The following MAP3K12 variants were observed in gnomAD, a reference collection of about 807,000 sequenced individuals.
The protein encoded by MAP3K12 is mitogen-activated protein kinase kinase kinase 12.
Under a neutral mutation model 87.5 loss-of-function variants are expected in MAP3K12, and 14 were observed. The observed-to-expected ratio is 0.16, with a 90% CI of 0.11 to 0.25. The LOEUF (loss-of-function observed/expected upper bound fraction) is 0.25, where lower values mean the gene tolerates loss of function less well. Among genes scored for constraint, MAP3K12 ranks in the 10% least tolerant of loss-of-function variants. The probability of loss-of-function intolerance (pLI) is 1.00; values close to 1 mark genes in which losing one functional copy is unlikely to be tolerated. For synonymous variants in MAP3K12, 469 were observed against 452.5 expected (o/e 1.04, Z -0.46); for missense variants, 802 against 1,140.4 (o/e 0.70, Z 4.27).
rs370800946 is a variant in MAP3K12 at position 53,482,115 on chromosome 12, G to C, written c.2406C>G (p.Pro802=). 3 of 1,614,040 alleles carry C rather than the reference G, an allele frequency of 1.9e-6. No homozygotes were observed. The highest frequency in any genetic ancestry group is 2.5e-6 in the Non-Finnish European group (3 of 1,180,044). ...GEEGTASEPS[P]SGTPEVGSTN... is the part of the protein sequence containing the mutation. The stretch of plus-strand genomic sequence containing the variant: ...TGCTGCCAACTTCAGGTGTGCCACT[G>C]GGGGAAGGTTCACTAGCTGTGCCTT... The change falls in exon 13 of 14, where the codon CCC becomes CCG. Residue 802 remains proline (P), a synonymous_variant. Transcript: ENST00000547488.
In MAP3K12 at chr12:53,485,301, T is replaced by C. The variant is rs536607452; in HGVS notation, c.980+16A>G. ...GCTGGCCACCCACTCTTCTCAGTTT[T>C]CAGCCTAGTTCTCACCAGATGTCGA... On this transcript the variant is annotated intron_variant, in intron 5 of 13. Coordinates refer to ENST00000547488, the MANE Select transcript of MAP3K12 (RefSeq NM_001193511.2). 12 of 1,609,988 alleles carry C rather than the reference T, an allele frequency of 7.5e-6. No homozygotes were observed. Among genetic ancestry groups the C allele is most frequent in the Admixed American group, 1.7e-5 (1 of 59,750 alleles).
intron 1 of MAP3K12, among the ~76,000 whole-genome samples, chr12:53,495,592 G>C (rs1943533535): frequency 7.0e-6 from 1 of 142,638 alleles, no homozygotes; most frequent in Admixed American, 7.2e-5. Context: ...GTCTCATTCT[G>C]TTGCCCAGGC....
Position 53,483,671 on chromosome 12 carries a change from T to G in MAP3K12, c.1411A>C (p.Asn471His), listed in dbSNP as rs1249420631. Residue 471 changes from asparagine (N) to histidine (H), a missense_variant, in exon 9 of 14, where the codon AAC becomes CAC. Transcript: ENST00000547488. ...HYERKLERAN[N>H]LYMELNALML... ...AGGGCATTAAGTTCCATATACAGGT[T>G]GTTGGCTCTCTCCAGCTTCCTTTCA... The G allele has an allele frequency of 3.1e-6, 5 of 1,614,020 alleles. No homozygotes were observed. Among genetic ancestry groups the G allele is most frequent in the Middle Eastern group, 1.7e-4 (1 of 6,058 alleles).
Position 53,486,748 on chromosome 12 carries a change from G to C in MAP3K12, c.446-126C>G. ...AGGCAGAAAGCCAAAAATAGGCCAA[G>C]AAGAAGGTTCGAGGGGACAGGGAAG... On this transcript the variant is annotated intron_variant, in intron 2 of 13. Transcript: ENST00000547488. The surrounding 1 kb of genome is among the most constrained non-coding windows in gnomAD (Gnocchi z 4.9). The C allele has an allele frequency of 1.4e-6, 2 of 1,454,312 alleles. No homozygotes were observed. Among genetic ancestry groups the C allele is most frequent in the Non-Finnish European group, 1.8e-6 (2 of 1,108,890 alleles). 90.1% of individuals were successfully genotyped at this position (1,454,312 alleles called of 1,614,324 possible). A position where few individuals can be genotyped will look rare whatever the true frequency, so the allele number is the denominator to read the frequency against.
At chr12:53,501,399 G>C (rs1002751169), upstream of MAP3K12, 8 of 1,561,468 alleles carry the variant, frequency 5.1e-6, no homozygotes, top group Admixed American at 7.7e-5. Flanking sequence ...CCGCGGGGAC[G>C]GAGGAGGGAA....
At chr12:53,484,210 C>T in intron 7 of MAP3K12, 47 bp downstream of exon 7, 1 of 1,537,998 alleles carries the variant, frequency 6.5e-7, no homozygotes, top group Non-Finnish European at 9.0e-7. Context: ...AGCATCATCT[C>T]TGCAAAGAAG....
chr12:53,484,512 G>A (rs1943170459), intron 6 of MAP3K12, 147 bp from the exon 7 acceptor site: 2 of 636,356 alleles, frequency 3.1e-6, no homozygotes, highest in Non-Finnish European at 5.6e-6. Flanking sequence ...ACTGTCTCTA[G>A]AGAATATTAC....
At chr12:53,496,645 A>G (rs1203942296) in intron 1 of MAP3K12, among the ~76,000 whole-genome samples, 2 of 152,222 alleles carry the variant, frequency 1.3e-5, no homozygotes, top group Non-Finnish European at 2.9e-5. Flanking sequence ...GTATAACAAC[A>G]GTTTCTAGGT....
chr12:53,485,236 T>G (rs149657580), intron 5 of MAP3K12, 22 bp from the exon 6 acceptor site: 1 of 1,603,788 alleles, frequency 6.2e-7, no homozygotes, highest in Non-Finnish European at 8.5e-7. Context: ...GGGACATCAC[T>G]TGTGCTCAAG....
Position 53,482,987 on chromosome 12 carries a change from C to T in MAP3K12, c.1816G>A (p.Gly606Arg), listed in dbSNP as rs750213682. Residue 606 changes from glycine (G) to arginine (R), a missense_variant, in exon 11 of 14, where the codon GGA becomes AGA. By Grantham distance (125) the Gly-to-Arg change is moderately radical. Around this residue, in one of 5 missense-constraint regions of MAP3K12, gnomAD observed 490 missense variants for 496.6 expected, o/e 0.99. Coordinates refer to ENST00000547488, the MANE Select transcript of MAP3K12 (RefSeq NM_001193511.2). ...CCTAGGCCCCCTGGGCTTCCTGGTC[C>T]TCCAGGTTCATGGGGTGGCACAGCT... ...RTAVPPHEPG[G>R]PGSPGGLGGG... is the part of the protein sequence containing the mutation. The T allele has an allele frequency of 1.9e-6, 3 of 1,576,528 alleles. No individual in the cohort carries two copies. Among genetic ancestry groups the T allele is most frequent in the African/African-American group, 1.4e-5 (1 of 73,752 alleles).
intron 13 of MAP3K12, 198 bp from the exon 14 acceptor site, chr12:53,481,478 T>C: frequency 3.2e-6 from 1 of 314,862 alleles, no homozygotes; most frequent in Non-Finnish European, 5.9e-6. Flanking sequence ...GCCTTCTGAG[T>C]AGCTGGGACT....
intron 1 of MAP3K12, among the ~76,000 whole-genome samples, chr12:53,494,206 C>G (rs928683225): frequency 2.6e-5 from 4 of 152,198 alleles, no homozygotes; most frequent in African/African-American, 9.7e-5. Flanking sequence ...GGGAGGGTAG[C>G]TGTCTCTCCG....
intron 13 of MAP3K12, chr12:53,481,652 T>C (rs981147269): frequency 7.8e-6 from 3 of 387,044 alleles, no homozygotes; most frequent in African/African-American, 6.0e-5. Flanking sequence ...CCAGCCAGCT[T>C]ACTGGTTTTA....
Position 53,485,415 on chromosome 12 carries a change from C to A in MAP3K12, c.882G>T (p.Leu294=). ...AGGACATCTTGGTGCTCTTGTCACT[C>A]AGCTCCTTGGAAGTGCCAAAATCTG... The part of the protein sequence containing the change: ...KISDFGTSKE[L]SDKSTKMSFA... Residue 294 remains leucine, a synonymous_variant, in exon 5 of 14, where the codon CTG becomes CTT. Transcript: ENST00000547488. The A allele has an allele frequency of 6.2e-7, 1 of 1,614,212 alleles. No homozygotes were observed. The highest frequency in any genetic ancestry group is 8.5e-7 in the Non-Finnish European group (1 of 1,180,040).
chr12:53,479,671 G>GTTTTTTTTGTTTTTTGT lies in MAP3K12; in HGVS notation c.*1510_*1511insACAAAAAACAAAAAAAA, dbSNP rs1942923608. 4 of 206,780 alleles carry GTTTTTTTTGTTTTTTGT rather than the reference G, an allele frequency of 1.9e-5. No homozygotes were observed. The highest frequency in any genetic ancestry group is 3.7e-5 in the Non-Finnish European group (4 of 108,890). 12.8% of individuals were successfully genotyped at this position (206,780 alleles called of 1,614,324 possible). ...ATTTAGTTTTATAAGCTTCTCCCTG[G>GTTTTTTTTGTTTTTTGT]TTTTTTTTTTTTGGCTCATGAATTT... On this transcript the variant is annotated 3_prime_UTR_variant, in exon 14 of 14. Transcript: ENST00000547488.
chr12:53,484,137 C>T (rs1042502796), intron 7 of MAP3K12, 117 bp from the exon 8 acceptor site: 4 of 1,369,616 alleles, frequency 2.9e-6, no homozygotes, highest in Non-Finnish European at 3.1e-6. Flanking sequence ...TGGATTGACT[C>T]AGCCCTCTAA....
Position 53,483,390 on chromosome 12 carries a change from C to G in MAP3K12, c.1572G>C (p.Lys524Asn). 1 of 1,614,148 alleles carries G rather than the reference C, an allele frequency of 6.2e-7. No individual in the cohort carries two copies. The highest frequency in any genetic ancestry group is 8.5e-7 in the Non-Finnish European group (1 of 1,180,024). The change falls in exon 10 of 14, where the codon AAG becomes AAC. Residue 524 changes from lysine (K) to asparagine (N), a missense_variant. This residue lies in a region of MAP3K12 where 490 missense variants were observed against 496.6 expected (regional missense o/e 0.99). Coordinates refer to ENST00000547488, the MANE Select transcript of MAP3K12 (RefSeq NM_001193511.2). Reference sequence around the variant, plus strand: ...ACAGCTTCTGTGGCACATTCCTCTTCTTGATAAGCTTCTCCATTGTGTTTC... The same window carrying G: ...ACAGCTTCTGTGGCACATTCCTCTTGTTGATAAGCTTCTCCATTGTGTTTC... ...LHGNTMEKLI[K>N]KRNVPQKLSP... is the part of the protein sequence containing the mutation.
chr12:53,481,124 T>C lies in MAP3K12; in HGVS notation c.*58A>G, dbSNP rs1334265512. On this transcript the variant is annotated 3_prime_UTR_variant, in exon 14 of 14. Transcript: ENST00000547488. The stretch of plus-strand genomic sequence containing the variant: ...TATGTGGCGCATATATATATATATA[T>C]GTATATATATATAATTTATATAAAT... The C allele has an allele frequency of 3.2e-6, 2 of 627,400 alleles. No individual in the cohort carries two copies. Among genetic ancestry groups the C allele is most frequent in the Non-Finnish European group, 4.4e-6 (2 of 459,610 alleles). The allele number at this position is 627,400 out of a possible 1,614,324, so 38.9% of individuals were successfully genotyped here.
Position 53,487,228 on chromosome 12 carries a change from A to G in MAP3K12, c.164T>C (p.Leu55Pro), listed in dbSNP as rs780847343. ...TQCVLRDVVP[L>P]GGQGGGGPSP... ...GGGCCCTCCCCCACCCTGCCCACCA[A>G]GGGGTACCACATCTCGAAGTACACA... The change falls in exon 2 of 14, where the codon CTT becomes CCT. Residue 55 changes from leucine to proline, a missense_variant. Around this residue, in one of 5 missense-constraint regions of MAP3K12, gnomAD observed 135 missense variants for 151.6 expected, o/e 0.89. Transcript: ENST00000547488. 2 of 1,613,010 alleles carry G rather than the reference A, an allele frequency of 1.2e-6. No homozygotes were observed. Among genetic ancestry groups the G allele is most frequent in the East Asian group, 2.2e-5 (1 of 44,824 alleles).
Sources: allele counts gnomAD v4.1 joint callset (sites outside exome capture counted in the v4.1 genomes callset), GRCh38; gene constraint gnomAD v4.1.1; regional missense constraint gnomAD v4.1.1; non-coding constraint Gnocchi (gnomAD v3.1); transcripts MANE v1.5; gene names NCBI Gene and HGNC (gene_info 2026-07-23, HGNC 2026-07-21).